SWAP70: variants seen among roughly 807,000 people sequenced by gnomAD.
The protein encoded by SWAP70 is switching B cell complex subunit SWAP70, also known as switch-associated protein 70.
SWAP70 carries 34 observed loss-of-function variants against 80.2 expected under a neutral mutation model. That is an observed-to-expected ratio of 0.42 (90% CI 0.32 to 0.56). SWAP70 has a LOEUF of 0.56. SWAP70 is among the 20% of genes least tolerant of loss of function. The probability of loss-of-function intolerance (pLI) is 0.09; values close to 1 mark genes in which losing one functional copy is unlikely to be tolerated. For missense variants in SWAP70, 578 were observed against 690.7 expected, an observed-to-expected ratio of 0.84 and a Z score of 1.83; for synonymous variants, 239 against 238.5, an observed-to-expected ratio of 1.00 and a Z score of -0.02.
chr11:9,685,526 G>A (rs2134438275), intron 1 of SWAP70, among the ~76,000 whole-genome samples: 2 of 152,196 alleles, frequency 1.3e-5, no homozygotes, highest in East Asian at 3.9e-4. Context: ...ATGGCAGAAG[G>A]GCAAAAGAGA....
At chr11:9,716,344 C>A (rs754253617) in intron 3 of SWAP70, among the ~76,000 whole-genome samples, 15 of 152,170 alleles carry the variant, frequency 9.9e-5, no homozygotes, top group Non-Finnish European at 2.2e-4. Context: ...CAGGACCAAG[C>A]ATATAGTGCC....
chr11:9,730,605 A>C lies in SWAP70; in HGVS notation c.898+1154A>C, dbSNP rs188645547. Among the ~76,000 whole-genome samples, 30 of 152,294 alleles carry C rather than the reference A, an allele frequency of 2.0e-4. No homozygotes were observed. The East Asian group carries it at 5.8e-3, about 29-fold the overall frequency. On this transcript the variant is annotated intron_variant, in intron 6 of 11. Transcript: ENST00000318950. The stretch of plus-strand genomic sequence containing the variant: ...AGAATTTTCCCTTTTAAGGACTGTG[A>C]AGAATTTTAAAGTGGCCATCTTGAG...
intron 1 of SWAP70, among the ~76,000 whole-genome samples, chr11:9,691,392 C>T (rs1052583715): frequency 3.9e-5 from 6 of 152,174 alleles, no homozygotes; most frequent in South Asian, 4.1e-4. Context: ...GACATTGGAG[C>T]GCAGGTCTCT....
At chr11:9,744,772 G>A (rs1026114858) in intron 9 of SWAP70, among the ~76,000 whole-genome samples, 2 of 152,108 alleles carry the variant, frequency 1.3e-5, no homozygotes, top group Non-Finnish European at 2.9e-5. Flanking sequence ...GCTGGGCGTG[G>A]TGGTGCATGC....
At chr11:9,746,853 T>C (rs1413093538) in intron 9 of SWAP70, among the ~76,000 whole-genome samples, 2 of 152,226 alleles carry the variant, frequency 1.3e-5, no homozygotes, top group African/African-American at 4.8e-5. Context: ...TGGAGCTGAG[T>C]TGAATAACAA....
chr11:9,688,850 T>G (rs886100563), intron 1 of SWAP70, among the ~76,000 whole-genome samples: 4 of 152,138 alleles, frequency 2.6e-5, no homozygotes, highest in Non-Finnish European at 4.4e-5. Context: ...AATGAGTCCA[T>G]GCGGGAATGG....
chr11:9,732,643 A>G lies in SWAP70; in HGVS notation c.1013A>G (p.Glu338Gly). 1 of 1,577,940 alleles carries G rather than the reference A, an allele frequency of 6.3e-7. No homozygotes were observed. Among genetic ancestry groups the G allele is most frequent in the Non-Finnish European group, 8.6e-7 (1 of 1,160,128 alleles). ...CAGCTGGCTGAACAAGAGGAACTGG[A>G]GCGACAAATGAAGGAACTCCAGGCC... ...KKQLAEQEELERQMKELQAAN... is the reference protein window; with the variant it reads ...KKQLAEQEELGRQMKELQAAN... The change falls in exon 7 of 12, where the codon GAG (glutamate) becomes GGG (glycine). Residue 338 changes from glutamate (E) to glycine (G), a missense_variant. Transcript: ENST00000318950.
chr11:9,690,398 T>C (rs1272753784), intron 1 of SWAP70, among the ~76,000 whole-genome samples: 1 of 152,008 alleles, frequency 6.6e-6, no homozygotes, highest in Non-Finnish European at 1.5e-5. Flanking sequence ...GCCAACATGG[T>C]GAAACTCTGT....
intron 1 of SWAP70, among the ~76,000 whole-genome samples, chr11:9,677,046 CTCTT>C (rs889694085): frequency 2.6e-5 from 4 of 151,300 alleles, no homozygotes; most frequent in South Asian, 2.1e-4. Context: ...CTGTATTTCT[CTCTT>C]TTTTTTTTTT....
chr11:9,712,578 T>G (rs1851011747), intron 2 of SWAP70, among the ~76,000 whole-genome samples: 1 of 152,042 alleles, frequency 6.6e-6, no homozygotes, highest in African/African-American at 2.4e-5. Flanking sequence ...AAACAAAAAA[T>G]AGGCCAGGCA....
intron 1 of SWAP70, chr11:9,681,360 A>G (rs1850566264): frequency 6.6e-6 from 1 of 152,254 alleles, no homozygotes; most frequent in Admixed American, 6.5e-5. Context: ...GCTACATTTT[A>G]GATGTCATTG....
intron 3 of SWAP70, among the ~76,000 whole-genome samples, chr11:9,720,968 A>G (rs1031021499): frequency 6.6e-6 from 1 of 152,052 alleles, no homozygotes; most frequent in Non-Finnish European, 1.5e-5. Flanking sequence ...GGTGCGCACC[A>G]CCACACCCAG....
intron 1 of SWAP70, among the ~76,000 whole-genome samples, chr11:9,671,363 A>C (rs1850380023): frequency 8.8e-6 from 1 of 113,214 alleles, no homozygotes; most frequent in Non-Finnish European, 1.6e-5. Context: ...TATATAAATA[A>C]AATAAAATAA....
intron 1 of SWAP70, among the ~76,000 whole-genome samples, chr11:9,675,300 A>G (rs67008130): frequency 0.81 from 65,652 of 80,584 alleles, 27,901 homozygotes; most frequent in Non-Finnish European, 0.99. Flanking sequence ...AGAAAAAGAA[A>G]GAAAGAAACA....
At chr11:9,700,487 T>C (rs908075135) in intron 2 of SWAP70, among the ~76,000 whole-genome samples, 1 of 151,642 alleles carries the variant, frequency 6.6e-6, no homozygotes, top group African/African-American at 2.4e-5. Flanking sequence ...AAATATGAAA[T>C]AGTTATTAAA....
chr11:9,684,960 C>T (rs1467301868), intron 1 of SWAP70, among the ~76,000 whole-genome samples: 1 of 152,154 alleles, frequency 6.6e-6, no homozygotes, highest in Admixed American at 6.6e-5. Flanking sequence ...AAGGAACTTA[C>T]AGAGTAGTGA....
At chr11:9,720,588 T>C (rs1476928591) in intron 3 of SWAP70, 1 of 602,744 alleles carries the variant, frequency 1.7e-6, no homozygotes, top group Non-Finnish European at 2.1e-6. Context: ...CACACACATG[T>C]GGCTATACAC....
intron 7 of SWAP70, among the ~76,000 whole-genome samples, chr11:9,737,583 G>GCT (rs1173122114): frequency 6.6e-6 from 1 of 152,158 alleles, no homozygotes; most frequent in African/African-American, 2.4e-5. Context: ...TACAGAAAGA[G>GCT]CTCAAGAAAT....
At chr11:9,700,854 T>C (rs965697283) in intron 2 of SWAP70, among the ~76,000 whole-genome samples, 1 of 152,206 alleles carries the variant, frequency 6.6e-6, no homozygotes, top group Non-Finnish European at 1.5e-5. Flanking sequence ...TCTTCTGTTC[T>C]GTCTCAAGTT....
Sources: gnomAD v4.1 joint callset for allele counts (sites outside exome capture counted in the v4.1 genomes callset) on GRCh38, gnomAD v4.1.1 for gene constraint, MANE v1.5 for transcripts, NCBI Gene and HGNC (gene_info 2026-07-23, HGNC 2026-07-21) for gene names.